CNOT8: variants seen among roughly 807,000 people sequenced by gnomAD.
CNOT8 encodes the protein CCR4-NOT transcription complex subunit 8.
Under a neutral mutation model 34.6 loss-of-function variants are expected in CNOT8, and 18 were observed. That is an observed-to-expected ratio of 0.52 (90% CI 0.36 to 0.77). The LOEUF is 0.77. Ranked by LOEUF, CNOT8 falls within the 30% of genes least tolerant of loss-of-function variation. The pLI is 0.00. For synonymous variants in CNOT8, 101 were observed against 118.8 expected (o/e 0.85, Z 0.98); for missense variants, 189 against 347.9 (o/e 0.54, Z 3.63).
intron 1 of CNOT8, among the ~76,000 whole-genome samples, chr5:154,862,974 G>A (rs1239217913): frequency 3.3e-5 from 5 of 152,106 alleles, no homozygotes; most frequent in Admixed American, 6.6e-5. Flanking sequence ...AGGACTGCTG[G>A]GCAGAAGTTT....
intron 1 of CNOT8, among the ~76,000 whole-genome samples, chr5:154,862,416 G>A (rs1414277694): frequency 1.3e-5 from 2 of 151,974 alleles, no homozygotes; most frequent in South Asian, 4.2e-4. Flanking sequence ...GTTGCAGTGA[G>A]CCAAGAGTGC....
intron 6 of CNOT8, among the ~76,000 whole-genome samples, chr5:154,873,172 C>T (rs1041448206): frequency 4.6e-5 from 7 of 152,236 alleles, no homozygotes; most frequent in African/African-American, 1.7e-4. Flanking sequence ...TCCCAAAGTG[C>T]TGGGATTACA....
At chr5:154,870,224 G>A (rs1037497843) in intron 3 of CNOT8, among the ~76,000 whole-genome samples, 2 of 150,868 alleles carry the variant, frequency 1.3e-5, no homozygotes, top group African/African-American at 4.9e-5. Flanking sequence ...TTGTTTGTGT[G>A]TGTGTGTGTG....
intron 1 of CNOT8, chr5:154,859,395 A>G (rs1407876592): frequency 6.6e-6 from 1 of 152,124 alleles, no homozygotes; most frequent in East Asian, 1.9e-4. Flanking sequence ...CTATGGCTTT[A>G]TGAATGGAGG....
intron 1 of CNOT8, among the ~76,000 whole-genome samples, chr5:154,861,916 T>A (rs1377808996): frequency 1.3e-5 from 2 of 152,134 alleles, no homozygotes; most frequent in African/African-American, 4.8e-5. Flanking sequence ...GCCAGGATGG[T>A]CTCTATCTCC....
chr5:154,861,801 C>T (rs1761368774), intron 1 of CNOT8, among the ~76,000 whole-genome samples: 1 of 152,196 alleles, frequency 6.6e-6, no homozygotes, highest in Admixed American at 6.5e-5. Context: ...TGGGTTCAAG[C>T]GATTCTGCTG....
rs199971620 is a variant in CNOT8 at position 154,871,899 on chromosome 5, A to G, written c.618+25A>G. On this transcript the variant is annotated intron_variant, in intron 5 of 6. Transcript: ENST00000285896. ...GGTATATGATGTTTTTCTTAATACC[A>G]GTAACAAAAAGAAGGACAGAAAAAA... 1.7e-4 allele frequency: 271 copies of G among 1,591,610 alleles called. 1 individual carries two copies. The highest frequency in any genetic ancestry group is 2.3e-4 in the Admixed American group (13 of 56,188).
intron 6 of CNOT8, among the ~76,000 whole-genome samples, chr5:154,873,137 C>T (rs1762633396): frequency 1.3e-5 from 2 of 152,340 alleles, no homozygotes; most frequent in South Asian, 4.1e-4. Flanking sequence ...AACTCCTGAC[C>T]TCAGGTGATC....
At chr5:154,863,795 A>C (rs965073069) in intron 2 of CNOT8, among the ~76,000 whole-genome samples, 2 of 152,184 alleles carry the variant, frequency 1.3e-5, no homozygotes, top group African/African-American at 4.8e-5. Flanking sequence ...TTCTGTTTGA[A>C]AGTCTTTAAA....
chr5:154,872,981 C>T (rs1458175190), intron 6 of CNOT8, among the ~76,000 whole-genome samples: 1 of 152,194 alleles, frequency 6.6e-6, no homozygotes, highest in Non-Finnish European at 1.5e-5. Context: ...GTTGGCCAGG[C>T]TGGTTTCAAA....
At chr5:154,872,242 G>A (rs1762555379) in intron 5 of CNOT8, among the ~76,000 whole-genome samples, 1 of 152,220 alleles carries the variant, frequency 6.6e-6, no homozygotes, top group Admixed American at 6.6e-5. Context: ...TTGACATAGA[G>A]CTTTGCTGTC....
chr5:154,869,353 A>G (rs1762231338), intron 3 of CNOT8, among the ~76,000 whole-genome samples: 1 of 150,446 alleles, frequency 6.6e-6, no homozygotes, highest in Non-Finnish European at 1.5e-5. Flanking sequence ...TCCCGACCTC[A>G]GGTGATCCAC....
At chr5:154,871,531 G>T (rs2113376840) in intron 4 of CNOT8, among the ~76,000 whole-genome samples, 199 bp from the exon 5 acceptor site, 1 of 137,738 alleles carries the variant, frequency 7.3e-6, no homozygotes, top group African/African-American at 2.8e-5. Context: ...TTGCACTCCA[G>T]CCTGGGCAAC....
chr5:154,863,479 C>G, intron 2 of CNOT8, 84 bp downstream of exon 2: 1 of 950,684 alleles, frequency 1.1e-6, no homozygotes. Context: ...AGTGCGGTGG[C>G]TATTCACAGA....
At chr5:154,866,642 C>T (rs1287474413) in intron 3 of CNOT8, among the ~76,000 whole-genome samples, 1 of 152,118 alleles carries the variant, frequency 6.6e-6, no homozygotes, top group Non-Finnish European at 1.5e-5. Context: ...TGGTGGCTCA[C>T]GCCTGTAACT....
chr5:154,858,307 C>G (rs1760986608), upstream of CNOT8: 1 of 152,132 alleles, frequency 6.6e-6, no homozygotes, highest in Admixed American at 6.5e-5. Context: ...CGCAACTAAT[C>G]ACGCGAAGAG....
chr5:154,865,043 C>T, intron 2 of CNOT8, 149 bp from the exon 3 acceptor site: 1 of 678,788 alleles, frequency 1.5e-6, no homozygotes, highest in African/African-American at 1.8e-5. Flanking sequence ...CCAACCCTAT[C>T]TCAAAAAAAC....
At chr5:154,863,461 C>T in intron 2 of CNOT8, 66 bp downstream of exon 2, 1 of 1,182,584 alleles carries the variant, frequency 8.5e-7, no homozygotes, top group South Asian at 1.2e-5. Flanking sequence ...CTCTGTTGCC[C>T]AGGCTGGAGT....
At chr5:154,868,256 T>C (rs1315513880) in intron 3 of CNOT8, among the ~76,000 whole-genome samples, 2 of 140,218 alleles carry the variant, frequency 1.4e-5, no homozygotes, top group East Asian at 2.0e-4. Flanking sequence ...CCTTTTCTTT[T>C]TCTTTTCTTT....
Sources: allele counts gnomAD v4.1 joint callset (sites outside exome capture counted in the v4.1 genomes callset), GRCh38; gene constraint gnomAD v4.1.1; transcripts MANE v1.5; gene names NCBI Gene and HGNC (gene_info 2026-07-23, HGNC 2026-07-21).